HK2: variants seen among roughly 807,000 people sequenced by gnomAD.
HK2 encodes the protein hexokinase-2.
In HK2, 42 loss-of-function variants were observed where a neutral mutation model predicts 92.9. That is an observed-to-expected ratio of 0.45 (90% CI 0.35 to 0.58). The LOEUF (loss-of-function observed/expected upper bound fraction) is 0.58. Ranked by LOEUF, HK2 falls within the 20% of genes least tolerant of loss-of-function variation. HK2 has a pLI of 0.00. For missense variants in HK2, 978 were observed against 1,245.1 expected (o/e 0.79, Z 3.23); for synonymous variants, 422 against 468.0 (o/e 0.90, Z 1.27).
intron 5 of HK2, 68 bp downstream of exon 5, chr2:74,873,439 G>A: frequency 2.0e-6 from 2 of 1,004,174 alleles, no homozygotes; most frequent in East Asian, 2.4e-5. Context: ...CTCCCTGAGT[G>A]TCCTTGACTC....
intron 2 of HK2, among the ~76,000 whole-genome samples, chr2:74,856,757 G>C (rs988256827): frequency 2.6e-5 from 4 of 152,252 alleles, no homozygotes; most frequent in African/African-American, 9.6e-5. Context: ...CCTACAGCCA[G>C]TGGGAGGCCG....
At chr2:74,866,463 C>T (rs1351665369) in intron 2 of HK2, among the ~76,000 whole-genome samples, 1 of 152,288 alleles carries the variant, frequency 6.6e-6, no homozygotes, top group Admixed American at 6.5e-5. Flanking sequence ...TGCGGATGCG[C>T]CTTGCCTGCT....
rs761165616 is a variant in HK2, at chr2:74,889,405, C to A, written c.2536C>A (p.Arg846=). The change falls in exon 17 of 18, where the codon CGA becomes AGA. Residue 846 remains arginine, a synonymous_variant. Coordinates refer to ENST00000290573, the MANE Select transcript of HK2 (RefSeq NM_000189.5). ...AGMAAVVDRI[R]ENRGLDALKV... The stretch of plus-strand genomic sequence containing the variant: ...CATGGCCGCTGTGGTGGACAGGATA[C>A]GAGAAAACCGTGGGCTGGACGCTCT... 6.2e-7 allele frequency: 1 copy of A among 1,614,162 alleles called. No individual in the cohort carries two copies. Among genetic ancestry groups the A allele is most frequent in the East Asian group, 2.2e-5 (1 of 44,886 alleles).
intron 8 of HK2, among the ~76,000 whole-genome samples, chr2:74,878,068 A>G (rs576505037): frequency 2.0e-5 from 3 of 152,182 alleles, no homozygotes; most frequent in Non-Finnish European, 4.4e-5. Context: ...AGGTGATGCA[A>G]GTACCCCAAG....
intron 1 of HK2, among the ~76,000 whole-genome samples, chr2:74,841,568 T>G (rs1227311421): frequency 1.3e-5 from 2 of 152,128 alleles, no homozygotes; most frequent in Non-Finnish European, 2.9e-5. Flanking sequence ...GTGTGCCATG[T>G]CTTGTGACCG....
chr2:74,854,824 G>A (rs28362984), intron 2 of HK2, among the ~76,000 whole-genome samples: 11 of 152,334 alleles, frequency 7.2e-5, no homozygotes, highest in Admixed American at 2.0e-4. Flanking sequence ...ACTGTAGGCC[G>A]TGGGAGCCGC....
intron 15 of HK2, among the ~76,000 whole-genome samples, chr2:74,887,104 CG>C (rs1366834173): frequency 1.3e-5 from 2 of 152,210 alleles, no homozygotes; most frequent in Non-Finnish European, 2.9e-5. Flanking sequence ...GGTAGGGGAG[CG>C]GGGTCTGAGC....
Position 74,834,434 on chromosome 2 carries a change from C to A in HK2, c.-147C>A, listed in dbSNP as rs1688096776. The A allele has an allele frequency of 2.5e-6, 2 of 790,136 alleles. No homozygotes were observed. The highest frequency in any genetic ancestry group is 4.0e-5 in the Admixed American group (2 of 49,822). The allele number at this position is 790,136 out of a possible 1,614,324, so 48.9% of individuals were successfully genotyped here. ...CTCCGCCAGCCGGGCGCACCCTCGC[C>A]GGTAGCCTTCTTTGTGCGCCGTCCG... On this transcript the variant is annotated 5_prime_UTR_variant, in exon 1 of 18. Transcript: ENST00000290573. The surrounding 1 kb of genome is among the most constrained non-coding windows in gnomAD (Gnocchi z 4.2).
chr2:74,853,553 A>G (rs920951946), intron 1 of HK2, among the ~76,000 whole-genome samples: 34 of 150,694 alleles, frequency 2.3e-4, no homozygotes, highest in African/African-American at 8.0e-4. Context: ...AACAACAACA[A>G]CAACAACAAC....
intron 1 of HK2, among the ~76,000 whole-genome samples, chr2:74,842,384 G>T (rs1688334514): frequency 6.6e-6 from 1 of 152,140 alleles, no homozygotes; most frequent in South Asian, 2.1e-4. Context: ...TGTAAAATAG[G>T]CTTTGTGTTC....
In HK2 at chr2:74,872,248, T is replaced by C. The variant is rs1573379292; in HGVS notation, c.376-52T>C. ...CTGAGCCTGAAGTGCATGCCCTTAA[T>C]CTCTATGCTGTTCGACCTCTCTGCT... On this transcript the variant is annotated intron_variant, in intron 3 of 17. Coordinates refer to ENST00000290573, the MANE Select transcript of HK2 (RefSeq NM_000189.5). The C allele has an allele frequency of 5.6e-6, 9 of 1,606,048 alleles. No homozygotes were observed. In the South Asian group the frequency reaches 9.9e-5, roughly 18 times the overall value.
chr2:74,860,283 A>C (rs1311634649), intron 2 of HK2, among the ~76,000 whole-genome samples: 3 of 152,178 alleles, frequency 2.0e-5, no homozygotes, highest in Non-Finnish European at 4.4e-5. Context: ...TCACTTCACC[A>C]TTGTGCAGTA....
intron 4 of HK2, among the ~76,000 whole-genome samples, chr2:74,872,819 AT>A (rs1482133656): frequency 6.6e-6 from 1 of 152,182 alleles, no homozygotes; most frequent in Non-Finnish European, 1.5e-5. Context: ...TTATTAGGTG[AT>A]TTCACTTATG....
Position 74,889,260 on chromosome 2 carries a change from G to A in HK2, c.2391G>A (p.Leu797=). The A allele has an allele frequency of 6.2e-7, 1 of 1,613,992 alleles. No homozygotes were observed. The highest frequency in any genetic ancestry group is 8.5e-7 in the Non-Finnish European group (1 of 1,179,942). The part of the protein sequence containing the change: ...LSQIESDCLA[L]LQVRAILQHL... ...CCCACCCCAGTGACTGCCTGGCCCT[G>A]CTGCAAGTCCGAGCCATCCTGCAAC... Residue 797 remains leucine (L), a synonymous_variant, in exon 17 of 18, where the codon CTG becomes CTA. Coordinates refer to ENST00000290573, the MANE Select transcript of HK2 (RefSeq NM_000189.5).
At chr2:74,883,769 T>TA (rs1459395035) in intron 12 of HK2, among the ~76,000 whole-genome samples, 1 of 152,228 alleles carries the variant, frequency 6.6e-6, no homozygotes, top group Non-Finnish European at 1.5e-5. Flanking sequence ...GACAAATTCT[T>TA]ATGTACTATT....
In HK2 at chr2:74,881,766, G is replaced by C; in HGVS notation, c.1626G>C (p.Leu542=). 6.2e-7 allele frequency: 1 copy of C among 1,614,186 alleles called. No individual in the cohort carries two copies. The highest frequency in any genetic ancestry group is 8.5e-7 in the Non-Finnish European group (1 of 1,180,038). The change falls in exon 11 of 18, where the codon CTG becomes CTC. Residue 542 remains leucine, a synonymous_variant. Transcript: ENST00000290573. ...DLGGTNFRVL[L]VRVRNGKWGG... The stretch of plus-strand genomic sequence containing the variant: ...GAGGAACAAATTTCCGGGTCCTGCT[G>C]GTCCGTGTTCGGAATGGGAAGTGGG...
intron 1 of HK2, among the ~76,000 whole-genome samples, chr2:74,840,256 G>T (rs1688273654): frequency 6.6e-6 from 1 of 150,916 alleles, no homozygotes; most frequent in South Asian, 2.1e-4. Context: ...ACCGCGCCAG[G>T]CATTTTTTTT....
intron 4 of HK2, 53 bp from the exon 5 acceptor site, chr2:74,873,223 G>A (rs143342355): frequency 2.0e-5 from 26 of 1,329,702 alleles, no homozygotes; most frequent in Non-Finnish European, 2.8e-5. Context: ...GGGGTGTGGT[G>A]TGAGTTTCAG....
chr2:74,885,527 G>C lies in HK2; in HGVS notation c.1873G>C (p.Ala625Pro), dbSNP rs752629120. 2 of 1,613,838 alleles carry C rather than the reference G, an allele frequency of 1.2e-6. No individual in the cohort carries two copies. Among genetic ancestry groups the C allele is most frequent in the African/African-American group, 2.7e-5 (2 of 74,868 alleles). ...CCTCAAGTGGACAAAAGGCTTCAAG[G>C]CATCTGGCTGCGAGGGCGAGGACGT... ...ILLKWTKGFK[A>P]SGCEGEDVVT... Residue 625 changes from alanine to proline, a missense_variant, in exon 13 of 18, where the codon GCA (alanine) becomes CCA (proline). Transcript: ENST00000290573.
Sources: allele counts gnomAD v4.1 joint callset (sites outside exome capture counted in the v4.1 genomes callset), GRCh38; gene constraint gnomAD v4.1.1; non-coding constraint Gnocchi (gnomAD v3.1); transcripts MANE v1.5; gene names NCBI Gene and HGNC (gene_info 2026-07-23, HGNC 2026-07-21).